The following CNTN4 variants were observed in gnomAD, a reference collection of about 807,000 sequenced individuals.
CNTN4 encodes the protein contactin-4.
A neutral mutation model predicts 122.5 loss-of-function variants in CNTN4; 77 were observed. The observed-to-expected ratio is 0.63, with a 90% CI of 0.52 to 0.76. The LOEUF is 0.76. CNTN4 is among the 30% of genes least tolerant of loss of function. The pLI is 0.00. For synonymous variants in CNTN4, 512 were observed against 447.0 expected, an observed-to-expected ratio of 1.15 and a Z score of -1.83; for missense variants, 1,256 against 1,259.1, an observed-to-expected ratio of 1.00 and a Z score of 0.04.
In CNTN4 at chr3:3,030,846, C is replaced by T. The variant is rs775067714; in HGVS notation, c.1663-9C>T. ...AAGTAATTGCAGCCACTTTCCCCTA[C>T]TTTATCAGCAGGATTCAGCTGGTGA... On this transcript the variant is annotated splice_polypyrimidine_tract_variant and intron_variant, in intron 15 of 24. Coordinates refer to ENST00000418658, the MANE Select transcript of CNTN4 (RefSeq NM_175607.3). 6 of 1,613,788 alleles carry T rather than the reference C, an allele frequency of 3.7e-6. No homozygotes were observed. In the Admixed American group the frequency reaches 6.7e-5, roughly 18 times the overall value.
At chr3:2,440,312 A>G (rs2048389824) in intron 3 of CNTN4, among the ~76,000 whole-genome samples, 1 of 152,208 alleles carries the variant, frequency 6.6e-6, no homozygotes, top group Non-Finnish European at 1.5e-5. Context: ...GAGCTGATGG[A>G]TTAAGTCACA....
chr3:3,008,625 G>A (rs1696879478), intron 14 of CNTN4, among the ~76,000 whole-genome samples: 2 of 152,022 alleles, frequency 1.3e-5, no homozygotes, highest in South Asian at 2.1e-4. Context: ...TCCCTAAGTC[G>A]TTCCGTGTCT....
chr3:2,432,309 G>C (rs1383234535), intron 3 of CNTN4, among the ~76,000 whole-genome samples: 2 of 152,192 alleles, frequency 1.3e-5, no homozygotes, highest in African/African-American at 4.8e-5. Context: ...GTATATGCTA[G>C]ATGTTGGGGA....
intron 3 of CNTN4, among the ~76,000 whole-genome samples, chr3:2,409,249 CTTT>C (rs372224744): frequency 3.0e-5 from 4 of 132,612 alleles, no homozygotes; most frequent in Admixed American, 1.5e-4. Flanking sequence ...CTTTTCTTTT[CTTT>C]TTTTTTTTTT....
At chr3:2,639,141 C>T (rs2082792705) in intron 4 of CNTN4, among the ~76,000 whole-genome samples, 1 of 152,116 alleles carries the variant, frequency 6.6e-6, no homozygotes, top group African/African-American at 2.4e-5. Flanking sequence ...CAAAAACTTG[C>T]ATTGACTCTC....
chr3:2,849,641 T>C (rs1403233126), intron 7 of CNTN4, among the ~76,000 whole-genome samples: 1 of 152,196 alleles, frequency 6.6e-6, no homozygotes, highest in African/African-American at 2.4e-5. Context: ...TTCCCTACTT[T>C]ACAGAAGAAG....
chr3:2,770,964 G>A (rs2091071194), intron 6 of CNTN4, among the ~76,000 whole-genome samples: 2 of 152,180 alleles, frequency 1.3e-5, no homozygotes, highest in African/African-American at 4.8e-5. Flanking sequence ...AATTCAGAGA[G>A]GGGTGCATAT....
chr3:2,782,471 G>A lies in CNTN4; in HGVS notation c.358+36774G>A, dbSNP rs200932457. ...TGATTCCTACCTTCTTATTCTGTGT[G>A]TGTGTGTGTGTGTGTGTGTGTGTGT... On this transcript the variant is annotated intron_variant, in intron 6 of 24. Transcript: ENST00000418658. Among the ~76,000 whole-genome samples, 29 of 56,196 alleles carry A rather than the reference G, an allele frequency of 5.2e-4. No homozygotes were observed. The East Asian group carries it at 0.011, about 21-fold the overall frequency. The allele number at this position is 56,196 out of a possible 152,430, so 36.9% of individuals were successfully genotyped here.
intron 2 of CNTN4, among the ~76,000 whole-genome samples, chr3:2,164,574 A>T (rs72622128): frequency 1.3e-5 from 2 of 152,004 alleles, no homozygotes. Flanking sequence ...TAGACATACC[A>T]TGATGGAATT....
At chr3:2,701,202 G>C (rs1026808595) in intron 4 of CNTN4, among the ~76,000 whole-genome samples, 4 of 152,054 alleles carry the variant, frequency 2.6e-5, no homozygotes, top group Admixed American at 2.6e-4. Context: ...GGCCTTCCTT[G>C]CCCCACTTAG....
intron 13 of CNTN4, among the ~76,000 whole-genome samples, chr3:2,947,853 C>A (rs987423509): frequency 6.6e-6 from 1 of 152,190 alleles, no homozygotes; most frequent in Non-Finnish European, 1.5e-5. Flanking sequence ...GTAGATAAAA[C>A]GGAGAATTAA....
At chr3:2,339,755 TTA>T (rs77288526) in intron 3 of CNTN4, among the ~76,000 whole-genome samples, 18,984 of 152,194 alleles carry the variant, frequency 0.12, 1,463 homozygotes, top group Non-Finnish European at 0.18. Context: ...AGTAAAATGG[TTA>T]TGTTTTACTT....
chr3:2,353,248 G>T (rs1338204469), intron 3 of CNTN4, among the ~76,000 whole-genome samples: 1 of 152,150 alleles, frequency 6.6e-6, no homozygotes, highest in Non-Finnish European at 1.5e-5. Flanking sequence ...GCACCAATCA[G>T]CACTCTGTGT....
chr3:2,439,300 C>T (rs1009783132), intron 3 of CNTN4, among the ~76,000 whole-genome samples: 14 of 152,250 alleles, frequency 9.2e-5, no homozygotes, highest in African/African-American at 2.4e-4. Context: ...GGGATGGGGC[C>T]AGGATATCTG....
At chr3:2,337,777 C>T (rs576302998) in intron 2 of CNTN4, among the ~76,000 whole-genome samples, 1 of 151,766 alleles carries the variant, frequency 6.6e-6, no homozygotes, top group African/African-American at 2.4e-5. Flanking sequence ...ATATATATGA[C>T]AAATTTTTAG....
At chr3:2,140,154 T>A (rs747374115) in intron 2 of CNTN4, among the ~76,000 whole-genome samples, 14 of 152,236 alleles carry the variant, frequency 9.2e-5, no homozygotes, top group Non-Finnish European at 1.8e-4. Context: ...CCCAGCCATG[T>A]GGAACTGAGA....
chr3:3,001,562 T>C (rs1218952435), intron 14 of CNTN4, among the ~76,000 whole-genome samples: 1 of 152,182 alleles, frequency 6.6e-6, no homozygotes, highest in Non-Finnish European at 1.5e-5. Flanking sequence ...TTAGAATGCC[T>C]TTAGACAGGG....
chr3:2,876,688 A>T (rs1447237061), intron 8 of CNTN4, among the ~76,000 whole-genome samples: 1 of 152,212 alleles, frequency 6.6e-6, no homozygotes, highest in Non-Finnish European at 1.5e-5. Flanking sequence ...CTAAATTGCC[A>T]GTTGTTTTGT....
chr3:2,164,740 A>G (rs563819607), intron 2 of CNTN4, among the ~76,000 whole-genome samples: 1 of 152,048 alleles, frequency 6.6e-6, no homozygotes, highest in Admixed American at 6.5e-5. Flanking sequence ...AACTGTGAGT[A>G]AAAAGGGTTG....
Sources: allele counts gnomAD v4.1 joint callset (sites outside exome capture counted in the v4.1 genomes callset), GRCh38; gene constraint gnomAD v4.1.1; transcripts MANE v1.5; gene names NCBI Gene and HGNC (gene_info 2026-07-23, HGNC 2026-07-21).